TTC39C: variants seen among roughly 807,000 people sequenced by gnomAD.
The protein encoded by TTC39C is tetratricopeptide repeat protein 39C.
A neutral mutation model predicts 76.3 loss-of-function variants in TTC39C; 33 were observed. That is an observed-to-expected ratio of 0.43 (90% confidence interval 0.33 to 0.58). The LOEUF is 0.58. TTC39C is among the 20% of genes least tolerant of loss of function. The pLI, the probability that TTC39C is intolerant of heterozygous loss-of-function variation, is 0.04. For synonymous variants in TTC39C, 254 were observed against 260.6 expected, an observed-to-expected ratio of 0.97 and a Z score of 0.24; for missense variants, 595 against 701.4, an observed-to-expected ratio of 0.85 and a Z score of 1.71.
intron 5 of TTC39C, among the ~76,000 whole-genome samples, chr18:24,082,217 A>T (rs1244054503): frequency 6.6e-6 from 1 of 150,582 alleles, no homozygotes; most frequent in African/African-American, 2.4e-5. Flanking sequence ...TTTTTTTTTT[A>T]AATAATGAGT....
intron 6 of TTC39C, among the ~76,000 whole-genome samples, chr18:24,084,831 T>G (rs1368485387): frequency 6.6e-6 from 1 of 151,998 alleles, no homozygotes; most frequent in African/African-American, 2.4e-5. Context: ...CTGGCTAATT[T>G]TTGAATTTTT....
intron 6 of TTC39C, among the ~76,000 whole-genome samples, chr18:24,105,987 C>T (rs763204480): frequency 2.0e-5 from 3 of 152,162 alleles, no homozygotes; most frequent in Admixed American, 6.5e-5. Context: ...TCTCTGTCTC[C>T]GCCTCCGCAT....
chr18:24,071,498 C>T (rs150767712), intron 4 of TTC39C, among the ~76,000 whole-genome samples: 1 of 152,318 alleles, frequency 6.6e-6, no homozygotes, highest in East Asian at 1.9e-4. Context: ...GAGAAAATCT[C>T]TTTTTATTAA....
intron 1 of TTC39C, among the ~76,000 whole-genome samples, chr18:24,007,628 C>T (rs976236180): frequency 3.2e-4 from 49 of 152,236 alleles, no homozygotes; most frequent in African/African-American, 1.1e-3. Context: ...AGGTGATCCA[C>T]CCACCTCGGC....
chr18:24,034,308 A>C (rs1193026805), intron 1 of TTC39C, among the ~76,000 whole-genome samples: 1 of 152,258 alleles, frequency 6.6e-6, no homozygotes, highest in African/African-American at 2.4e-5. Flanking sequence ...AGAAGAGGGC[A>C]CGCCCTGCTC....
chr18:24,011,982 G>C (rs982109334), upstream of TTC39C, among the ~76,000 whole-genome samples: 2 of 152,142 alleles, frequency 1.3e-5, no homozygotes, highest in Admixed American at 6.5e-5. Flanking sequence ...CCTTCCTTTT[G>C]TAGGTAATTT....
intron 1 of TTC39C, among the ~76,000 whole-genome samples, chr18:24,036,127 C>CT (rs1442609440): frequency 6.6e-6 from 1 of 152,198 alleles, no homozygotes; most frequent in Non-Finnish European, 1.5e-5. Flanking sequence ...TGTTTTAATA[C>CT]TGTAGCTATG....
At chr18:24,026,563 C>T (rs149352937) in intron 1 of TTC39C, among the ~76,000 whole-genome samples, 11 of 152,304 alleles carry the variant, frequency 7.2e-5, no homozygotes, top group Non-Finnish European at 8.8e-5. Context: ...CCTGGTCTCA[C>T]CCTCAACCAT....
chr18:24,067,412 C>G (rs1599292647), intron 3 of TTC39C, among the ~76,000 whole-genome samples: 1 of 152,258 alleles, frequency 6.6e-6, no homozygotes, highest in South Asian at 2.1e-4. Flanking sequence ...GGTCCCCAGC[C>G]TCTGGGCCAT....
At chr18:24,103,032 G>T (rs947915922) in intron 6 of TTC39C, among the ~76,000 whole-genome samples, 1 of 152,160 alleles carries the variant, frequency 6.6e-6, no homozygotes, top group African/African-American at 2.4e-5. Context: ...AGCCTAGGAG[G>T]CGGAGGTTGC....
chr18:24,076,094 A>T (rs2084304199), intron 4 of TTC39C, among the ~76,000 whole-genome samples: 1 of 152,172 alleles, frequency 6.6e-6, no homozygotes. Context: ...CTCCTGCCTC[A>T]GCCTCCTGAG....
Position 24,100,907 on chromosome 18 carries a change from A to G in TTC39C, c.985-13647A>G, listed in dbSNP as rs541698193. On this transcript the variant is annotated intron_variant, in intron 6 of 13. Transcript: ENST00000317571. The stretch of plus-strand genomic sequence containing the variant: ...GGCCTGTTAGTACATGTCCCATGAA[A>G]AGAGGTTCTGTGTTGGGTTAATTGG... Among the ~76,000 whole-genome samples, 11 of 152,256 alleles carry G rather than the reference A, an allele frequency of 7.2e-5. No homozygotes were observed. The East Asian group carries it at 1.7e-3, about 24-fold the overall frequency.
rs1192879583 is a variant in TTC39C, at chr18:24,023,976, A to ACG, written c.167+8938_167+8939insCG. On this transcript the variant is annotated intron_variant, in intron 1 of 13. Transcript: ENST00000317571. The stretch of plus-strand genomic sequence containing the variant: ...TATATATATATATATATATATATAT[A>ACG]TATACATATATATATATATATATAT... 7.8e-4 allele frequency among the ~76,000 whole-genome samples: 10 copies of ACG among 12,894 alleles called. 1 individual carries two copies. Among genetic ancestry groups the ACG allele is most frequent in the African/African-American group, 1.6e-3 (10 of 6,120 alleles). 8.5% of individuals were successfully genotyped at this position (12,894 alleles called of 152,430 possible).
At chr18:24,128,026 G>A (rs905494272) in intron 10 of TTC39C, among the ~76,000 whole-genome samples, 4 of 151,842 alleles carry the variant, frequency 2.6e-5, no homozygotes, top group Admixed American at 6.6e-5. Context: ...TGCTCAGCAC[G>A]GTCCTCCTCC....
At chr18:24,084,187 G>A (rs1387596401) in intron 6 of TTC39C, among the ~76,000 whole-genome samples, 1 of 152,132 alleles carries the variant, frequency 6.6e-6, no homozygotes, top group Non-Finnish European at 1.5e-5. Flanking sequence ...ACTAGCAGTT[G>A]AAAATTGAGA....
At chr18:24,086,535 C>A (rs1432516722) in intron 6 of TTC39C, among the ~76,000 whole-genome samples, 1 of 152,196 alleles carries the variant, frequency 6.6e-6, no homozygotes, top group Non-Finnish European at 1.5e-5. Flanking sequence ...GGTGACTTGG[C>A]TGTTTTCTGT....
At chr18:24,052,488 A>G (rs2083963332) in intron 1 of TTC39C, among the ~76,000 whole-genome samples, 1 of 152,192 alleles carries the variant, frequency 6.6e-6, no homozygotes, top group South Asian at 2.1e-4. Context: ...AAACTGAGGA[A>G]TATTATCCAG....
At chr18:24,037,282 T>C (rs926987696) in intron 1 of TTC39C, among the ~76,000 whole-genome samples, 2 of 152,242 alleles carry the variant, frequency 1.3e-5, no homozygotes, top group South Asian at 2.1e-4. Context: ...GCTCTTACTG[T>C]ATTGTGTAAA....
intron 6 of TTC39C, among the ~76,000 whole-genome samples, chr18:24,098,669 A>G (rs956811499): frequency 2.7e-5 from 4 of 148,888 alleles, no homozygotes; most frequent in African/African-American, 5.0e-5. Context: ...GTCTCGCTCT[A>G]TCACCCAGGC....
Sources: gnomAD v4.1 joint callset for allele counts (sites outside exome capture counted in the v4.1 genomes callset) on GRCh38, gnomAD v4.1.1 for gene constraint, MANE v1.5 for transcripts, NCBI Gene and HGNC (gene_info 2026-07-23, HGNC 2026-07-21) for gene names.